The following MCPH1 variants were observed in gnomAD, a reference collection of about 807,000 sequenced individuals.
MCPH1 encodes microcephalin.
In MCPH1, 104 loss-of-function variants were observed where a neutral mutation model predicts 84.5. The ratio of observed to expected loss-of-function variants is 1.23; its 90% CI spans 1.05 to 1.45. MCPH1 has a LOEUF of 1.45. MCPH1 is among the 40% of genes most tolerant of loss of function. The pLI, the probability that MCPH1 is intolerant of heterozygous loss-of-function variation, is 0.00. For synonymous variants in MCPH1, 514 were observed against 366.8 expected (o/e 1.40, Z -4.58); for missense variants, 1,498 against 1,005.7 (o/e 1.49, Z -6.62).
chr8:6,640,560 G>A (rs1797876607), intron 13 of MCPH1, among the ~76,000 whole-genome samples: 1 of 152,176 alleles, frequency 6.6e-6, no homozygotes, highest in Non-Finnish European at 1.5e-5. Context: ...TTTTTCACAT[G>A]GTTTTACAGC....
intron 12 of MCPH1, among the ~76,000 whole-genome samples, chr8:6,602,639 C>T (rs1003122002): frequency 1.3e-5 from 2 of 152,040 alleles, no homozygotes; most frequent in Admixed American, 1.3e-4. Context: ...TTCCTGGTCA[C>T]CCTTTGTTGT....
At chr8:6,407,700 C>G (rs1235355667) in intron 1 of MCPH1, among the ~76,000 whole-genome samples, 1 of 152,102 alleles carries the variant, frequency 6.6e-6, no homozygotes, top group Admixed American at 6.6e-5. Context: ...TTTCTTTTAG[C>G]GTTACCCCCA....
At chr8:6,425,033 A>G (rs1800853419) in intron 3 of MCPH1, among the ~76,000 whole-genome samples, 2 of 152,234 alleles carry the variant, frequency 1.3e-5, no homozygotes, top group South Asian at 4.1e-4. Flanking sequence ...CAAGAGTAGC[A>G]TAAAGAATGC....
chr8:6,483,642 C>T (rs1050009312), intron 11 of MCPH1, among the ~76,000 whole-genome samples: 5 of 152,172 alleles, frequency 3.3e-5, no homozygotes, highest in African/African-American at 1.2e-4. Flanking sequence ...GGTGGATCAC[C>T]TGAGGTCAGG....
intron 13 of MCPH1, among the ~76,000 whole-genome samples, chr8:6,638,594 AAT>A (rs1491136649): frequency 1.2e-3 from 178 of 150,212 alleles, no homozygotes; most frequent in African/African-American, 3.6e-3. Flanking sequence ...AAAAAAAAAA[AAT>A]TTTTTTTTTA....
intron 12 of MCPH1, chr8:6,521,469 T>C: frequency 3.3e-6 from 4 of 1,228,664 alleles, no homozygotes; most frequent in Non-Finnish European, 4.5e-6. Flanking sequence ...ATTTTATATT[T>C]ATTGAATTTC....
intron 13 of MCPH1, chr8:6,625,550 A>G: frequency 1.0e-6 from 1 of 982,600 alleles, no homozygotes. Flanking sequence ...AAATTAAATT[A>G]TGAAAAGACA....
intron 9 of MCPH1, among the ~76,000 whole-genome samples, chr8:6,458,382 G>T (rs1281626828): frequency 1.3e-5 from 2 of 150,636 alleles, no homozygotes; most frequent in African/African-American, 4.9e-5. Flanking sequence ...TGAGGCAGGA[G>T]AATGGCATGA....
intron 12 of MCPH1, among the ~76,000 whole-genome samples, chr8:6,617,670 TG>T (rs1289599539): frequency 2.6e-5 from 4 of 152,022 alleles, no homozygotes; most frequent in Non-Finnish European, 5.9e-5. Context: ...TGGTTTTTGT[TG>T]GGGGTGGGGA....
intron 12 of MCPH1, among the ~76,000 whole-genome samples, chr8:6,523,165 C>G (rs1817685154): frequency 1.3e-5 from 2 of 151,984 alleles, no homozygotes; most frequent in South Asian, 2.1e-4. Flanking sequence ...GTCAGGCTAA[C>G]TTTTTGTATT....
At chr8:6,581,650 C>T (rs1223445922) in intron 12 of MCPH1, among the ~76,000 whole-genome samples, 1 of 152,210 alleles carries the variant, frequency 6.6e-6, no homozygotes. Context: ...ATCTTTAGTA[C>T]CTCATTTCCA....
intron 3 of MCPH1, among the ~76,000 whole-genome samples, chr8:6,426,387 T>C (rs1801064726): frequency 6.6e-6 from 1 of 152,216 alleles, no homozygotes; most frequent in African/African-American, 2.4e-5. Context: ...AGATCTGGTT[T>C]CTGTCATTAA....
intron 9 of MCPH1, chr8:6,474,113 A>G: frequency 1.3e-6 from 1 of 767,142 alleles, no homozygotes; most frequent in Non-Finnish European, 2.4e-6. Context: ...TTCAGGGAAG[A>G]AATCACAACC....
chr8:6,559,390 C>T (rs903290934), intron 12 of MCPH1, among the ~76,000 whole-genome samples: 1 of 152,092 alleles, frequency 6.6e-6, no homozygotes, highest in African/African-American at 2.4e-5. Context: ...TGCATTCATT[C>T]GTGAGTAGTA....
At chr8:6,557,344 A>C (rs1824793503) in intron 12 of MCPH1, among the ~76,000 whole-genome samples, 1 of 152,130 alleles carries the variant, frequency 6.6e-6, no homozygotes, top group Non-Finnish European at 1.5e-5. Flanking sequence ...TGTGTACTAG[A>C]GATATTCTCG....
At chr8:6,615,331 C>T (rs1428551885) in intron 12 of MCPH1, among the ~76,000 whole-genome samples, 1 of 152,206 alleles carries the variant, frequency 6.6e-6, no homozygotes, top group Non-Finnish European at 1.5e-5. Context: ...TGTGTAACTT[C>T]TAGGGTGTCC....
intron 12 of MCPH1, chr8:6,500,839 A>G (rs1812033929): frequency 6.6e-6 from 1 of 152,222 alleles, no homozygotes; most frequent in Non-Finnish European, 1.5e-5. Flanking sequence ...ATGATGCACA[A>G]TGACATAATG....
chr8:6,482,622 G>C (rs1243670693), intron 11 of MCPH1, among the ~76,000 whole-genome samples: 1 of 152,228 alleles, frequency 6.6e-6, no homozygotes, highest in Non-Finnish European at 1.5e-5. Context: ...ACTTGGAGCA[G>C]TCCATAGAGG....
At chr8:6,488,742 T>A (rs1810233417) in intron 11 of MCPH1, among the ~76,000 whole-genome samples, 1 of 151,764 alleles carries the variant, frequency 6.6e-6, no homozygotes, top group Non-Finnish European at 1.5e-5. Flanking sequence ...GCAGAAGCCA[T>A]CGGACTATTT....
Sources: allele counts gnomAD v4.1 joint callset (sites outside exome capture counted in the v4.1 genomes callset), GRCh38; gene constraint gnomAD v4.1.1; transcripts MANE v1.5; gene names NCBI Gene and HGNC (gene_info 2026-07-23, HGNC 2026-07-21).